Variants in XIRP2 observed in about 807,000 individuals in gnomAD.
XIRP2 encodes the protein xin actin-binding repeat-containing protein 2.
A neutral mutation model predicts 277.0 loss-of-function variants in XIRP2; 236 were observed. The ratio of observed to expected loss-of-function variants is 0.85; its 90% CI spans 0.77 to 0.95. The LOEUF (loss-of-function observed/expected upper bound fraction) is 0.95, where lower values mean the gene tolerates loss of function less well. XIRP2 is among the 40% of genes least tolerant of loss of function. XIRP2 has a pLI of 0.00. For synonymous variants in XIRP2, 1,490 were observed against 1,416.5 expected, an observed-to-expected ratio of 1.05 and a Z score of -1.17; for missense variants, 4,640 against 4,157.5, an observed-to-expected ratio of 1.12 and a Z score of -3.19.
intron 2 of XIRP2, among the ~76,000 whole-genome samples, chr2:167,031,364 C>T (rs1688342167): frequency 6.6e-6 from 1 of 151,998 alleles, no homozygotes; most frequent in Non-Finnish European, 1.5e-5. Flanking sequence ...GTGCTTCCTT[C>T]AGGAGCTCTT....
chr2:166,909,091 G>T (rs1227186216), intron 2 of XIRP2, among the ~76,000 whole-genome samples: 3 of 152,190 alleles, frequency 2.0e-5, no homozygotes, highest in Non-Finnish European at 4.4e-5. Context: ...GATTGTCTTG[G>T]CAATGTGGGC....
At chr2:167,178,696 A>G (rs1327832869) in intron 3 of XIRP2, among the ~76,000 whole-genome samples, 1 of 152,070 alleles carries the variant, frequency 6.6e-6, no homozygotes. Flanking sequence ...GAAATTTAAA[A>G]TTTGATGACC....
At chr2:166,910,351 G>A (rs975520241) in intron 2 of XIRP2, among the ~76,000 whole-genome samples, 1 of 152,154 alleles carries the variant, frequency 6.6e-6, no homozygotes, top group Non-Finnish European at 1.5e-5. Context: ...GAGGGTGTAT[G>A]TGTCAAGGAA....
Position 167,243,347 on chromosome 2 carries a change from G to A in XIRP2, c.1955G>A (p.Cys652Tyr), listed in dbSNP as rs1411449922. ...CCTGAGCTAGCCAGAGGAGATGTCT[G>A]CACAGCTCGGTGGATGTTTGAAACA... is the stretch of plus-strand genomic sequence containing the variant. ...KIPELARGDVCTARWMFETRP... is the reference protein window; with the variant it reads ...KIPELARGDVYTARWMFETRP... Residue 652 changes from cysteine to tyrosine, a missense_variant, in exon 9 of 11, where the codon TGC (cysteine) becomes TAC (tyrosine). Cys to Tyr is a radical substitution (Grantham distance 194, BLOSUM62 -2). Transcript: ENST00000409195. The A allele has an allele frequency of 6.2e-7, 1 of 1,614,110 alleles. No individual in the cohort carries two copies. The highest frequency in any genetic ancestry group is 2.2e-5 in the East Asian group (1 of 44,856).
intron 2 of XIRP2, among the ~76,000 whole-genome samples, chr2:167,076,284 C>T (rs1360998611): frequency 6.7e-6 from 1 of 150,174 alleles, no homozygotes; most frequent in Non-Finnish European, 1.5e-5. Context: ...CAGGCAATTT[C>T]TGTCTTAGAC....
chr2:167,020,654 CAT>C (rs1249828047), intron 2 of XIRP2, among the ~76,000 whole-genome samples: 3 of 151,932 alleles, frequency 2.0e-5, no homozygotes, highest in Non-Finnish European at 4.4e-5. Context: ...TTCTGAAATG[CAT>C]AGTTTCAAAT....
chr2:166,906,648 A>G (rs1489107135), intron 2 of XIRP2, among the ~76,000 whole-genome samples: 12 of 152,056 alleles, frequency 7.9e-5, no homozygotes, highest in Non-Finnish European at 1.8e-4. Flanking sequence ...AAAGGGATCT[A>G]CAGACTCTTA....
intron 5 of XIRP2, among the ~76,000 whole-genome samples, chr2:167,231,271 G>A (rs1284986196): frequency 3.3e-5 from 5 of 152,088 alleles, no homozygotes; most frequent in Middle Eastern, 3.4e-3. Context: ...ACTGAAAGAG[G>A]GAGGGAGGTC....
At chr2:167,143,437 G>A (rs775248012) in intron 3 of XIRP2, among the ~76,000 whole-genome samples, 1 of 152,124 alleles carries the variant, frequency 6.6e-6, no homozygotes, top group Non-Finnish European at 1.5e-5. Context: ...GGAGGGATAG[G>A]AGAAAGGGTG....
chr2:167,084,554 G>A (rs974596065), intron 2 of XIRP2, among the ~76,000 whole-genome samples: 21 of 151,750 alleles, frequency 1.4e-4, no homozygotes, highest in African/African-American at 4.8e-4. Flanking sequence ...GAATTCGGCT[G>A]TGAATCCATC....
chr2:167,250,892 G>C lies in XIRP2; in HGVS notation c.9500G>C (p.Arg3167Thr), dbSNP rs1695468208. 1.2e-6 allele frequency: 2 copies of C among 1,612,612 alleles called. No homozygotes were observed. The highest frequency in any genetic ancestry group is 1.7e-6 in the Non-Finnish European group (2 of 1,179,550). The change falls in exon 9 of 11, where the codon AGA becomes ACA. Residue 3167 changes from arginine (R) to threonine (T), a missense_variant. By Grantham distance (71) the Arg-to-Thr change is moderately conservative (BLOSUM62 -1). Coordinates refer to ENST00000409195, the MANE Select transcript of XIRP2 (RefSeq NM_152381.6). ...RPMSQKSEIH[R>T]ANTSPSPPRS... is the part of the protein sequence containing the mutation. ...ATGTCGCAAAAATCTGAAATTCACA[G>C]AGCAAACACTTCCCCTTCTCCACCC...
chr2:167,111,385 G>C (rs988244933), intron 2 of XIRP2, among the ~76,000 whole-genome samples: 8 of 152,026 alleles, frequency 5.3e-5, no homozygotes, highest in African/African-American at 1.9e-4. Flanking sequence ...TAACATGAAG[G>C]GATGTTGAAT....
chr2:167,138,432 T>G (rs1691617970), intron 3 of XIRP2, among the ~76,000 whole-genome samples: 1 of 152,174 alleles, frequency 6.6e-6, no homozygotes, highest in South Asian at 2.1e-4. Flanking sequence ...CAGCCTCTCT[T>G]TTTATGCCTG....
chr2:167,046,446 A>T (rs1219057312), intron 2 of XIRP2, among the ~76,000 whole-genome samples: 8 of 147,616 alleles, frequency 5.4e-5, no homozygotes, highest in Non-Finnish European at 3.0e-5. Flanking sequence ...AGGAATATAC[A>T]TTATTCTACT....
chr2:166,894,926 G>A (rs993183208), intron 1 of XIRP2, among the ~76,000 whole-genome samples: 1 of 152,158 alleles, frequency 6.6e-6, no homozygotes, highest in African/African-American at 2.4e-5. Flanking sequence ...CTTCCCTGAG[G>A]CAGTCATGCC....
In XIRP2 at chr2:167,227,946, T is replaced by A. The variant is rs57270001; in HGVS notation, c.858+9646T>A. Among the ~76,000 whole-genome samples the A allele has an allele frequency of 2.6e-5, 4 of 152,252 alleles. No homozygotes were observed. In the East Asian group the frequency reaches 7.7e-4, roughly 29 times the overall value. On this transcript the variant is annotated intron_variant, in intron 5 of 10. Transcript: ENST00000409195. Reference sequence around the variant, plus strand: ...TGATGCAACCTATACATCTAACGTGTCTTGGGTTTGTATCTTTGATATTTC... The same window carrying A: ...TGATGCAACCTATACATCTAACGTGACTTGGGTTTGTATCTTTGATATTTC...
At chr2:167,199,342 C>A (rs2105374977) in intron 3 of XIRP2, among the ~76,000 whole-genome samples, 1 of 152,304 alleles carries the variant, frequency 6.6e-6, no homozygotes, top group African/African-American at 2.4e-5. Flanking sequence ...CAGGAAGACA[C>A]TTTTCAAAGC....
At chr2:166,915,097 A>G (rs2105351033) in intron 2 of XIRP2, among the ~76,000 whole-genome samples, 1 of 151,910 alleles carries the variant, frequency 6.6e-6, no homozygotes, top group East Asian at 1.9e-4. Flanking sequence ...GGAGATCGAG[A>G]CCATCCTGGC....
intron 2 of XIRP2, among the ~76,000 whole-genome samples, chr2:167,071,775 CA>C (rs1689443678): frequency 6.6e-6 from 1 of 152,168 alleles, no homozygotes; most frequent in African/African-American, 2.4e-5. Context: ...TGTGCCAGGG[CA>C]GCTCTTGAGA....
Sources: allele counts gnomAD v4.1 joint callset (sites outside exome capture counted in the v4.1 genomes callset), GRCh38; gene constraint gnomAD v4.1.1; transcripts MANE v1.5; gene names NCBI Gene and HGNC (gene_info 2026-07-23, HGNC 2026-07-21).